The following TEF variants were observed in gnomAD, a reference collection of about 807,000 sequenced individuals.
TEF encodes thyrotroph embryonic factor.
TEF carries 3 observed loss-of-function variants against 20.8 expected under a neutral mutation model. That is an observed-to-expected ratio of 0.14 (90% CI 0.07 to 0.37). TEF has a LOEUF of 0.37. Ranked by LOEUF, TEF falls within the 10% of genes least tolerant of loss-of-function variation. The probability of loss-of-function intolerance (pLI) is 1.00; values close to 1 mark genes in which losing one functional copy is unlikely to be tolerated. For missense variants in TEF, 296 were observed against 397.9 expected (o/e 0.74, Z 2.18); for synonymous variants, 180 against 171.1 (o/e 1.05, Z -0.41).
intron 3 of TEF, 66 bp from the exon 4 acceptor site, chr22:41,395,679 G>A: frequency 6.6e-7 from 1 of 1,516,322 alleles, no homozygotes; most frequent in Middle Eastern, 1.7e-4. Flanking sequence ...CCAGGTGGTG[G>A]GAGTGGAAAA....
chr22:41,371,535 A>G (rs1048593268), intron 1 of TEF, among the ~76,000 whole-genome samples: 21 of 152,218 alleles, frequency 1.4e-4, no homozygotes, highest in Non-Finnish European at 2.9e-5. Context: ...GCGGAAAAGA[A>G]TATCTGTGCC....
intron 1 of TEF, among the ~76,000 whole-genome samples, 194 bp downstream of exon 1, chr22:41,382,395 G>A (rs1292105444): frequency 6.6e-6 from 1 of 152,056 alleles, no homozygotes; most frequent in Non-Finnish European, 1.5e-5. Context: ...GGGCTGAGAC[G>A]GTGGGTCTGG....
chr22:41,374,776 TAAAGGTCTTCAGC>T (rs1365302456), intron 1 of TEF, among the ~76,000 whole-genome samples: 2 of 151,460 alleles, frequency 1.3e-5, no homozygotes, highest in African/African-American at 4.9e-5. Context: ...TGGATCATTG[TAAAGGTCTTCAGC>T]CTTGTCTCCA....
chr22:41,380,112 C>T (rs967006579), upstream of TEF, among the ~76,000 whole-genome samples: 2 of 151,982 alleles, frequency 1.3e-5, no homozygotes, highest in African/African-American at 4.8e-5. Flanking sequence ...GGTCAGCTAC[C>T]CAACTTCTTT....
At chr22:41,374,344 A>G (rs2036915213) in intron 1 of TEF, among the ~76,000 whole-genome samples, 1 of 151,998 alleles carries the variant, frequency 6.6e-6, no homozygotes, top group South Asian at 2.1e-4. Flanking sequence ...AGGTCAGGAG[A>G]TCGAGACCAT....
At chr22:41,389,108 G>A (rs913987310) in intron 2 of TEF, among the ~76,000 whole-genome samples, 1 of 151,992 alleles carries the variant, frequency 6.6e-6, no homozygotes, top group South Asian at 2.1e-4. Flanking sequence ...TCTCATAAAT[G>A]GTATTTTACA....
At chr22:41,373,291 T>C (rs2036904049) in intron 1 of TEF, among the ~76,000 whole-genome samples, 1 of 152,148 alleles carries the variant, frequency 6.6e-6, no homozygotes, top group Admixed American at 6.5e-5. Flanking sequence ...AGAAATACAG[T>C]TAACCCTTGA....
In TEF at chr22:41,397,529, CTT is replaced by C. The variant is rs2037245052; in HGVS notation, c.*1572_*1573del. ...AGTCCCAGGCCCTGACCTCTAAAGA[CTT>C]TTCATAACAGACGTTAAGACCAAGC... On this transcript the variant is annotated 3_prime_UTR_variant, in exon 4 of 4. Transcript: ENST00000266304. 1 of 156,876 alleles carries C rather than the reference CTT, an allele frequency of 6.4e-6. No homozygotes were observed. The highest frequency in any genetic ancestry group is 2.4e-5 in the African/African-American group (1 of 41,778). The allele number at this position is 156,876 out of a possible 1,614,324, so 9.7% of individuals were successfully genotyped here.
At chr22:41,379,263 G>A (rs1460529893), upstream of TEF, among the ~76,000 whole-genome samples, 3 of 152,078 alleles carry the variant, frequency 2.0e-5, no homozygotes, top group South Asian at 2.1e-4. Context: ...GCGGGAAGCC[G>A]GGAGGCAGCG....
chr22:41,378,654 T>C (rs1405542713), upstream of TEF, among the ~76,000 whole-genome samples: 1 of 152,046 alleles, frequency 6.6e-6, no homozygotes, highest in Non-Finnish European at 1.5e-5. Flanking sequence ...ATATTCTTAA[T>C]AGAGACAGGG....
At chr22:41,367,668 G>A (rs2036837477) in intron 1 of TEF, 2 of 1,469,504 alleles carry the variant, frequency 1.4e-6, no homozygotes, top group Non-Finnish European at 9.2e-7. Context: ...GCAGCCACAG[G>A]CACAGTGGCA....
chr22:41,379,520 C>G (rs1421293234), upstream of TEF, among the ~76,000 whole-genome samples: 1 of 143,422 alleles, frequency 7.0e-6, no homozygotes, highest in Admixed American at 6.9e-5. Context: ...AAACAAAAAA[C>G]AAAAAACAAA....
intron 1 of TEF, among the ~76,000 whole-genome samples, chr22:41,376,106 G>A (rs900137491): frequency 6.6e-6 from 1 of 152,178 alleles, no homozygotes; most frequent in Non-Finnish European, 1.5e-5. Flanking sequence ...TCTGGCCAAA[G>A]GCTCCTGTGT....
At chr22:41,381,927 C>T, upstream of TEF, 5 of 1,225,762 alleles carry the variant, frequency 4.1e-6, no homozygotes, top group Non-Finnish European at 5.1e-6. Context: ...GGCGGGGGCG[C>T]CATTGGGCGC....
At chr22:41,391,085 G>A (rs1430948059) in intron 2 of TEF, among the ~76,000 whole-genome samples, 1 of 151,994 alleles carries the variant, frequency 6.6e-6, no homozygotes, top group Non-Finnish European at 1.5e-5. Flanking sequence ...GTGGGTCCCT[G>A]GTCATTCACT....
In TEF at chr22:41,382,212, G is replaced by T. The variant is rs753685327; in HGVS notation, c.157+11G>T. ...GCGAGGCGCGCCTCGGTGAGGGCGG[G>T]GGGGTGGTCCGCGCGGGCTGGGGGC... On this transcript the variant is annotated intron_variant, in intron 1 of 3. Transcript: ENST00000266304. The T allele has an allele frequency of 4.9e-6, 6 of 1,230,904 alleles. No homozygotes were observed. Among genetic ancestry groups the T allele is most frequent in the Middle Eastern group, 3.0e-4 (1 of 3,372 alleles). 76.2% of individuals were successfully genotyped at this position (1,230,904 alleles called of 1,614,324 possible). A position where few individuals can be genotyped will look rare whatever the true frequency, so the allele number is the denominator to read the frequency against.
intron 1 of TEF, 32 bp downstream of exon 1, chr22:41,382,233 G>C: frequency 8.2e-7 from 1 of 1,225,830 alleles, no homozygotes; most frequent in African/African-American, 1.6e-5. Flanking sequence ...GCGCGGGCTG[G>C]GGGCGGGGCT....
intron 1 of TEF, among the ~76,000 whole-genome samples, chr22:41,384,152 C>T (rs1233967275): frequency 6.6e-6 from 1 of 152,150 alleles, no homozygotes; most frequent in Non-Finnish European, 1.5e-5. Context: ...GGTTTATTTC[C>T]AACTTAATCA....
chr22:41,382,910 T>G, intron 1 of TEF: 1 of 470,948 alleles, frequency 2.1e-6, no homozygotes, highest in South Asian at 1.5e-5. Context: ...ACCCTTAGAT[T>G]CTGGGGCCAC....
Sources: allele counts gnomAD v4.1 joint callset (sites outside exome capture counted in the v4.1 genomes callset), GRCh38; gene constraint gnomAD v4.1.1; transcripts MANE v1.5; gene names NCBI Gene and HGNC (gene_info 2026-07-23, HGNC 2026-07-21).